APC: variants seen among roughly 807,000 people sequenced by gnomAD.
APC encodes APC regulator of Wnt signaling pathway.
In APC, 72 loss-of-function variants were observed where a neutral mutation model predicts 247.0. The ratio of observed to expected loss-of-function variants is 0.29; its 90% CI spans 0.24 to 0.35. The LOEUF (loss-of-function observed/expected upper bound fraction) is 0.35, where lower values mean the gene tolerates loss of function less well. Among genes scored for constraint, APC ranks in the 10% least tolerant of loss-of-function variants. The pLI is 1.00. For missense variants in APC, 3,400 were observed against 3,360.7 expected, an observed-to-expected ratio of 1.01 and a Z score of -0.29; for synonymous variants, 1,254 against 1,162.5, an observed-to-expected ratio of 1.08 and a Z score of -1.60.
At chr5:112,741,145 G>A (rs1238721227) in intron 1 of APC, among the ~76,000 whole-genome samples, 1 of 152,066 alleles carries the variant, frequency 6.6e-6, no homozygotes, top group African/African-American at 2.4e-5. Flanking sequence ...AAAAATGCTG[G>A]AGTCAAATAA....
intron 8 of APC, among the ~76,000 whole-genome samples, chr5:112,813,190 G>A (rs1191767069): frequency 2.6e-5 from 4 of 152,176 alleles, no homozygotes; most frequent in Non-Finnish European, 5.9e-5. Context: ...AGAAAGATTA[G>A]TATGTGATAA....
chr5:112,764,515 A>G (rs1291505052), intron 2 of APC, among the ~76,000 whole-genome samples: 1 of 152,212 alleles, frequency 6.6e-6, no homozygotes, highest in Non-Finnish European at 1.5e-5. Context: ...CATTTAACTG[A>G]GAGAATACAA....
chr5:112,779,599 A>C (rs1450548965), intron 5 of APC, among the ~76,000 whole-genome samples: 1 of 152,156 alleles, frequency 6.6e-6, no homozygotes, highest in East Asian at 1.9e-4. Context: ...GGAAATACCT[A>C]CTTATCAAAA....
intron 2 of APC, among the ~76,000 whole-genome samples, chr5:112,756,461 A>G (rs1754998689): frequency 6.6e-6 from 1 of 152,222 alleles, no homozygotes; most frequent in Non-Finnish European, 1.5e-5. Flanking sequence ...TTTAACATTG[A>G]TCAACACATT....
intron 4 of APC, among the ~76,000 whole-genome samples, chr5:112,770,830 G>A (rs367650257): frequency 6.6e-6 from 1 of 151,986 alleles, no homozygotes; most frequent in Non-Finnish European, 1.5e-5. Context: ...CCAATTCTTT[G>A]GTCGAATTTG....
chr5:112,759,335 ATTTTC>A (rs1755377174), intron 2 of APC, among the ~76,000 whole-genome samples: 1 of 146,402 alleles, frequency 6.8e-6, no homozygotes, highest in Non-Finnish European at 1.5e-5. Flanking sequence ...CTAATGAATA[ATTTTC>A]TTTCTTTCTT....
chr5:112,839,142 A>G lies in APC; in HGVS notation c.3548A>G (p.Tyr1183Cys), dbSNP rs587782689. Residue 1183 changes from tyrosine to cysteine, a missense_variant, in exon 16 of 16, where the codon TAT (tyrosine) becomes TGT (cysteine). Transcript: ENST00000257430. The surrounding 1 kb of genome is among the most constrained non-coding windows in gnomAD (Gnocchi z 5.0). ...CAGCCTATTGATTATAGTTTAAAAT[A>G]TGCCACAGATATTCCTTCATCACAG... ...VDQPIDYSLK[Y>C]ATDIPSSQKQ... 1 of 1,614,140 alleles carries G rather than the reference A, an allele frequency of 6.2e-7. No individual in the cohort carries two copies. The highest frequency in any genetic ancestry group is 8.5e-7 in the Non-Finnish European group (1 of 1,180,032).
chr5:112,819,911 T>A (rs1431801955), intron 10 of APC, among the ~76,000 whole-genome samples: 1 of 152,054 alleles, frequency 6.6e-6, no homozygotes, highest in African/African-American at 2.4e-5. Flanking sequence ...TAGTAAGTGG[T>A]AGACCCAGGA....
chr5:112,780,915 G>T lies in APC; in HGVS notation c.645+12G>T. ...AAAAACGAGCACAGGTAAGTTACTTGTTTCTAAGTGATAAAACAGCGAAGA... is the reference window on the plus strand; with the variant it reads ...AAAAACGAGCACAGGTAAGTTACTTTTTTCTAAGTGATAAAACAGCGAAGA... On this transcript the variant is annotated intron_variant, in intron 6 of 15. Transcript: ENST00000257430. 1 of 1,535,038 alleles carries T rather than the reference G, an allele frequency of 6.5e-7. No homozygotes were observed. Among genetic ancestry groups the T allele is most frequent in the South Asian group, 1.1e-5 (1 of 88,394 alleles).
At chr5:112,766,199 A>G (rs1368023223) in intron 2 of APC, 127 bp from the exon 3 acceptor site, 1 of 658,562 alleles carries the variant, frequency 1.5e-6, no homozygotes, top group Non-Finnish European at 2.8e-6. Flanking sequence ...TAGGTAATAT[A>G]TATAAGGTGC....
chr5:112,763,035 AAGTT>A (rs1375811106), intron 2 of APC, among the ~76,000 whole-genome samples: 1 of 152,216 alleles, frequency 6.6e-6, no homozygotes, highest in Non-Finnish European at 1.5e-5. Flanking sequence ...TCATTGGAGT[AAGTT>A]AGTAGCTTTC....
rs751423790 is a variant in APC, at chr5:112,819,274, C to T, written c.1242C>T (p.Arg414=). 27 of 1,613,950 alleles carry T rather than the reference C, an allele frequency of 1.7e-5. No homozygotes were observed. Among genetic ancestry groups the T allele is most frequent in the East Asian group, 2.2e-5 (1 of 44,890 alleles). The part of the protein sequence containing the change: ...IRVLHLLEQI[R]AYCETCWEWQ... ...TCCTTCATCTTTTGGAACAGATACG[C>T]GCTTACTGTGAAACCTGTTGGGAGT... Residue 414 remains arginine (R), a synonymous_variant, in exon 10 of 16, where the codon CGC becomes CGT. Coordinates refer to ENST00000257430, the MANE Select transcript of APC (RefSeq NM_000038.6).
intron 10 of APC, among the ~76,000 whole-genome samples, chr5:112,821,439 C>T (rs1418799874): frequency 6.6e-6 from 1 of 151,160 alleles, no homozygotes; most frequent in Admixed American, 6.6e-5. Flanking sequence ...CCCAGGAATA[C>T]AAGGCTGCGG....
intron 1 of APC, among the ~76,000 whole-genome samples, chr5:112,740,853 T>G (rs1358689904): frequency 6.6e-6 from 1 of 152,144 alleles, no homozygotes; most frequent in African/African-American, 2.4e-5. Flanking sequence ...GCTCTGTAGA[T>G]TTTACCATTT....
chr5:112,765,492 G>A (rs1459137564), intron 2 of APC, among the ~76,000 whole-genome samples: 5 of 152,140 alleles, frequency 3.3e-5, no homozygotes, highest in African/African-American at 2.4e-5. Flanking sequence ...TCCTTTTAAT[G>A]TATTTACAGA....
At chr5:112,768,146 C>T (rs1489158050) in intron 4 of APC, among the ~76,000 whole-genome samples, 1 of 150,690 alleles carries the variant, frequency 6.6e-6, no homozygotes, top group Non-Finnish European at 1.5e-5. Flanking sequence ...CAGGTTCAAG[C>T]GATTCTTCTG....
chr5:112,774,607 T>C (rs767732265), intron 4 of APC, among the ~76,000 whole-genome samples: 4 of 151,760 alleles, frequency 2.6e-5, no homozygotes, highest in Non-Finnish European at 5.9e-5. Flanking sequence ...ACTACAGGTA[T>C]GCACCACCAC....
chr5:112,736,742 C>T (rs569144732), upstream of APC, among the ~76,000 whole-genome samples: 3 of 152,222 alleles, frequency 2.0e-5, no homozygotes, highest in South Asian at 2.1e-4. Flanking sequence ...GGTGAAACCC[C>T]GTCTCTACTA....
intron 7 of APC, 79 bp downstream of exon 7, chr5:112,792,608 G>A: frequency 3.9e-6 from 4 of 1,018,558 alleles, no homozygotes; most frequent in Non-Finnish European, 3.1e-6. Context: ...ATAATTTAAT[G>A]TGACACCATT....
Sources: gnomAD v4.1 joint callset for allele counts (sites outside exome capture counted in the v4.1 genomes callset) on GRCh38, gnomAD v4.1.1 for gene constraint, Gnocchi (gnomAD v3.1) non-coding constraint, MANE v1.5 for transcripts, NCBI Gene and HGNC (gene_info 2026-07-23, HGNC 2026-07-21) for gene names.